Variants in COL4A1 observed in about 807,000 individuals in gnomAD.
COL4A1 encodes collagen alpha-1(IV) chain.
COL4A1 carries 40 observed loss-of-function variants against 216.6 expected under a neutral mutation model. The ratio of observed to expected loss-of-function variants is 0.18; its 90% CI spans 0.14 to 0.24. COL4A1 has a LOEUF of 0.24. Among genes scored for constraint, COL4A1 ranks in the 10% least tolerant of loss-of-function variants. The pLI is 1.00. For synonymous variants in COL4A1, 839 were observed against 810.7 expected, an observed-to-expected ratio of 1.03 and a Z score of -0.59; for missense variants, 1,628 against 2,196.8, an observed-to-expected ratio of 0.74 and a Z score of 5.18.
At chr13:110,167,311 G>T (rs945299390) in intron 43 of COL4A1, 81 bp from the exon 44 acceptor site, 1 of 1,036,260 alleles carries the variant, frequency 9.7e-7, no homozygotes, top group Non-Finnish European at 1.5e-6. Flanking sequence ...TTGGAAAATG[G>T]AAACAGCCCC....
chr13:110,226,894 T>C (rs192928941), intron 2 of COL4A1, among the ~76,000 whole-genome samples: 179 of 152,282 alleles, frequency 1.2e-3, no homozygotes, highest in African/African-American at 4.1e-3. Flanking sequence ...CAATGCAAAA[T>C]ACCGGTGCTT....
chr13:110,256,351 G>A (rs938979088), intron 1 of COL4A1, among the ~76,000 whole-genome samples: 2 of 152,190 alleles, frequency 1.3e-5, no homozygotes, highest in African/African-American at 2.4e-5. Context: ...AGGAAAAATG[G>A]TTTTGGACGA....
At chr13:110,198,436 C>T (rs747791983) in intron 21 of COL4A1, 31 bp downstream of exon 21, 2 of 1,612,436 alleles carry the variant, frequency 1.2e-6, no homozygotes, top group African/African-American at 2.7e-5. Context: ...CTGCTTGCAC[C>T]CCACATTAAA....
chr13:110,236,156 T>C (rs1881307664), intron 2 of COL4A1, among the ~76,000 whole-genome samples: 1 of 152,166 alleles, frequency 6.6e-6, no homozygotes, highest in Admixed American at 6.5e-5. Context: ...AGATGATGTG[T>C]TTAAAACCAG....
chr13:110,206,573 A>G lies in COL4A1; in HGVS notation c.858+92T>C, dbSNP rs1879526720. The G allele has an allele frequency of 2.9e-6, 4 of 1,403,346 alleles. No individual in the cohort carries two copies. In the Admixed American group the frequency reaches 5.0e-5, roughly 18 times the overall value. 86.9% of individuals were successfully genotyped at this position (1,403,346 alleles called of 1,614,324 possible). ...AAGGGATAAACTAGAAGTCCCTACGAGCCTTTTCTGTTCTTGTGTTTCTGT... is the reference window on the plus strand; with the variant it reads ...AAGGGATAAACTAGAAGTCCCTACGGGCCTTTTCTGTTCTTGTGTTTCTGT... On this transcript the variant is annotated intron_variant, in intron 15 of 51. Coordinates refer to ENST00000375820, the MANE Select transcript of COL4A1 (RefSeq NM_001845.6).
At chr13:110,205,812 G>A (rs1458469696) in intron 15 of COL4A1, among the ~76,000 whole-genome samples, 3 of 151,406 alleles carry the variant, frequency 2.0e-5, no homozygotes, top group East Asian at 2.0e-4. Flanking sequence ...GCAGTGAGCC[G>A]AGATCACACC....
intron 1 of COL4A1, among the ~76,000 whole-genome samples, chr13:110,250,433 G>C (rs1297133943): frequency 6.6e-6 from 1 of 152,164 alleles, no homozygotes; most frequent in East Asian, 1.9e-4. Flanking sequence ...TGTGACTAAA[G>C]TTCTGGTCTC....
intron 2 of COL4A1, among the ~76,000 whole-genome samples, chr13:110,232,255 G>A (rs530506792): frequency 1.3e-5 from 2 of 152,290 alleles, no homozygotes; most frequent in African/African-American, 4.8e-5. Flanking sequence ...ATCTGACAAA[G>A]GGGCACCACG....
At chr13:110,188,528 C>A (rs995898533) in intron 24 of COL4A1, among the ~76,000 whole-genome samples, 2 of 152,228 alleles carry the variant, frequency 1.3e-5, no homozygotes, top group African/African-American at 4.8e-5. Flanking sequence ...GAGGAAGAAG[C>A]TGATACTCAA....
intron 1 of COL4A1, among the ~76,000 whole-genome samples, chr13:110,267,334 G>C (rs78903490): frequency 0.033 from 4,998 of 152,240 alleles, 216 homozygotes; most frequent in East Asian, 0.23. Flanking sequence ...GAGGGAGAAC[G>C]GCGGAAAGGA....
In COL4A1 at chr13:110,151,756, C is replaced by T. The variant is rs567662352; in HGVS notation, c.4928+578G>A. Reference sequence around the variant, plus strand: ...TTATGCGTTCCTGGCCTTCGGGGACCGGCCCGGCTCCCAGTCAACTCCAGC... The same window carrying T: ...TTATGCGTTCCTGGCCTTCGGGGACTGGCCCGGCTCCCAGTCAACTCCAGC... On this transcript the variant is annotated intron_variant, in intron 51 of 51. Coordinates refer to ENST00000375820, the MANE Select transcript of COL4A1 (RefSeq NM_001845.6). Among the ~76,000 whole-genome samples the T allele has an allele frequency of 1.4e-4, 21 of 152,260 alleles. 1 individual carries two copies. The Middle Eastern group carries it at 0.01, about 74-fold the overall frequency.
intron 1 of COL4A1, among the ~76,000 whole-genome samples, chr13:110,245,449 G>C (rs1254405406): frequency 6.6e-6 from 1 of 152,222 alleles, no homozygotes; most frequent in African/African-American, 2.4e-5. Flanking sequence ...GAAATGTCCA[G>C]CAGTCATCTG....
At chr13:110,157,893 C>T (rs1276475632) in intron 49 of COL4A1, among the ~76,000 whole-genome samples, 3 of 152,082 alleles carry the variant, frequency 2.0e-5, no homozygotes, top group African/African-American at 7.2e-5. Flanking sequence ...TCTCTGAGAC[C>T]TGTTTTTGGA....
rs1877836044 is a variant in COL4A1, at chr13:110,175,372, A to T, written c.3059-15T>A. ...TCCAGGTGTTCCTATAAACACAAAC[A>T]ATTGAAACTTGATTTGGGCTTAGCT... On this transcript the variant is annotated splice_polypyrimidine_tract_variant and intron_variant, in intron 36 of 51. Transcript: ENST00000375820. 6.2e-7 allele frequency: 1 copy of T among 1,614,012 alleles called. No individual in the cohort carries two copies. The highest frequency in any genetic ancestry group is 1.3e-5 in the African/African-American group (1 of 74,926).
intron 17 of COL4A1, 128 bp downstream of exon 17, chr13:110,205,225 T>C: frequency 9.0e-7 from 1 of 1,108,016 alleles, no homozygotes; most frequent in South Asian, 1.4e-5. Flanking sequence ...ATTGTGTTTT[T>C]ACCCAGAAGA....
chr13:110,295,729 C>T (rs6492253), intron 1 of COL4A1, among the ~76,000 whole-genome samples: 119,407 of 152,156 alleles, frequency 0.78, 47,446 homozygotes, highest in East Asian at 0.93. Flanking sequence ...CCCAGCCTCA[C>T]GGTAAATGGC....
intron 2 of COL4A1, among the ~76,000 whole-genome samples, chr13:110,225,129 T>A (rs1473779793): frequency 6.6e-6 from 1 of 152,126 alleles, no homozygotes; most frequent in East Asian, 1.9e-4. Flanking sequence ...ATCCTCTGAG[T>A]GGTTCCGTAG....
intron 2 of COL4A1, among the ~76,000 whole-genome samples, chr13:110,230,849 C>G (rs541445305): frequency 5.5e-4 from 84 of 152,318 alleles, no homozygotes; most frequent in Non-Finnish European, 1.1e-3. Flanking sequence ...TCCAGCCGCC[C>G]GGAACCTCTG....
Position 110,207,552 on chromosome 13 carries a change from G to T in COL4A1, c.694-63C>A. On this transcript the variant is annotated intron_variant, in intron 12 of 51. Coordinates refer to ENST00000375820, the MANE Select transcript of COL4A1 (RefSeq NM_001845.6). This position sits in a 1 kb window ranked among gnomAD's most constrained non-coding sequence, Gnocchi z 4.4. ...AACAATTATGCAGACATGAAAAATT[G>T]CAGAGAGAGGTAAAAGCCTAAAATA... 1.5e-6 allele frequency: 2 copies of T among 1,333,498 alleles called. No individual in the cohort carries two copies. The highest frequency in any genetic ancestry group is 2.2e-6 in the Non-Finnish European group (2 of 925,866). 82.6% of individuals were successfully genotyped at this position (1,333,498 alleles called of 1,614,324 possible). A position where few individuals can be genotyped will look rare whatever the true frequency, so the allele number is the denominator to read the frequency against.
Sources: gnomAD v4.1 joint callset for allele counts (sites outside exome capture counted in the v4.1 genomes callset) on GRCh38, gnomAD v4.1.1 for gene constraint, Gnocchi (gnomAD v3.1) non-coding constraint, MANE v1.5 for transcripts, NCBI Gene and HGNC (gene_info 2026-07-23, HGNC 2026-07-21) for gene names.